The following ELAPOR2 variants were observed in gnomAD, a reference collection of about 807,000 sequenced individuals.
ELAPOR2 encodes endosome-lysosome associated apoptosis and autophagy regulator family member 2.
ELAPOR2 carries 89 observed loss-of-function variants against 120.7 expected under a neutral mutation model. That is an observed-to-expected ratio of 0.74 (90% CI 0.62 to 0.88). The LOEUF (loss-of-function observed/expected upper bound fraction) is 0.88, where lower values mean the gene tolerates loss of function less well. Among genes scored for constraint, ELAPOR2 ranks in the 40% least tolerant of loss-of-function variants. The pLI, the probability that ELAPOR2 is intolerant of heterozygous loss-of-function variation, is 0.00. For missense variants in ELAPOR2, 1,134 were observed against 1,251.6 expected (o/e 0.91, Z 1.42); for synonymous variants, 444 against 444.9 (o/e 1.00, Z 0.03).
chr7:86,992,101 TAAAC>T (rs1418392103), intron 1 of ELAPOR2, among the ~76,000 whole-genome samples: 1 of 152,218 alleles, frequency 6.6e-6, no homozygotes, highest in Admixed American at 6.5e-5. Flanking sequence ...GAAAGGGAAG[TAAAC>T]TGCTGCTACA....
At chr7:87,040,169 T>G (rs1255127124) in intron 1 of ELAPOR2, among the ~76,000 whole-genome samples, 1 of 152,198 alleles carries the variant, frequency 6.6e-6, no homozygotes, top group Non-Finnish European at 1.5e-5. Context: ...GAGATCAAAC[T>G]GCAAGGCGGC....
chr7:86,901,025 T>G (rs967494954), intron 18 of ELAPOR2, among the ~76,000 whole-genome samples: 5 of 152,220 alleles, frequency 3.3e-5, no homozygotes, highest in Non-Finnish European at 7.3e-5. Flanking sequence ...TCACAAATCA[T>G]GCTTCTTTTA....
intron 21 of ELAPOR2, among the ~76,000 whole-genome samples, chr7:86,883,023 G>GGTGTGT (rs55859925): frequency 0.045 from 6,387 of 141,456 alleles, 354 homozygotes; most frequent in African/African-American, 0.13. Context: ...GTTTGAAAGG[G>GGTGTGT]GTGTGTGTGT....
intron 8 of ELAPOR2, among the ~76,000 whole-genome samples, chr7:86,933,406 A>T (rs1790418025): frequency 6.6e-6 from 1 of 151,984 alleles, no homozygotes; most frequent in South Asian, 2.1e-4. Context: ...AAGAAACAGG[A>T]TGCCTGTGAT....
intron 1 of ELAPOR2, among the ~76,000 whole-genome samples, chr7:87,018,907 T>C (rs899763523): frequency 6.6e-6 from 1 of 152,182 alleles, no homozygotes; most frequent in Non-Finnish European, 1.5e-5. Context: ...CAGTATTCCA[T>C]GTTCAAACAA....
Position 86,877,949 on chromosome 7 carries a change from A to G in ELAPOR2, c.*2522T>C, listed in dbSNP as rs962098234. The G allele has an allele frequency of 1.3e-5, 2 of 152,218 alleles. No homozygotes were observed. The highest frequency in any genetic ancestry group is 2.9e-5 in the Non-Finnish European group (2 of 68,036). The allele number at this position is 152,218 out of a possible 1,614,324, so 9.4% of individuals were successfully genotyped here. On this transcript the variant is annotated 3_prime_UTR_variant, in exon 22 of 22. Coordinates refer to ENST00000450689, the MANE Select transcript of ELAPOR2 (RefSeq NM_001142749.3). ...AAAATGCTCAATGTTGTTAAATGAC[A>G]TAATATAATTTATCCACAGAAGACA... is the stretch of plus-strand genomic sequence containing the variant.
intron 1 of ELAPOR2, among the ~76,000 whole-genome samples, chr7:87,024,350 A>G (rs1794170561): frequency 6.6e-6 from 1 of 152,164 alleles, no homozygotes; most frequent in African/African-American, 2.4e-5. Flanking sequence ...GGTTCTGTTT[A>G]TATGCTGGAT....
At chr7:86,887,252 C>G (rs919583548) in intron 21 of ELAPOR2, among the ~76,000 whole-genome samples, 1 of 152,070 alleles carries the variant, frequency 6.6e-6, no homozygotes, top group East Asian at 1.9e-4. Context: ...ACAAGACAGA[C>G]TGTCACAAAT....
At chr7:87,009,591 T>C (rs1793590463) in intron 1 of ELAPOR2, among the ~76,000 whole-genome samples, 1 of 152,320 alleles carries the variant, frequency 6.6e-6, no homozygotes, top group South Asian at 2.1e-4. Context: ...AAATAATGGC[T>C]ATTTCAAAAA....
At chr7:86,881,869 T>C (rs1367022129) in intron 21 of ELAPOR2, among the ~76,000 whole-genome samples, 1 of 152,198 alleles carries the variant, frequency 6.6e-6, no homozygotes, top group African/African-American at 2.4e-5. Context: ...AATAGATGTA[T>C]GTCTAAAGTA....
intron 8 of ELAPOR2, among the ~76,000 whole-genome samples, chr7:86,937,533 C>T (rs1290742783): frequency 6.6e-6 from 1 of 152,094 alleles, no homozygotes; most frequent in Non-Finnish European, 1.5e-5. Context: ...CTCATGTGTG[C>T]ATTTTTCCTC....
chr7:86,986,163 C>T (rs1407773733), intron 1 of ELAPOR2, among the ~76,000 whole-genome samples: 1 of 125,420 alleles, frequency 8.0e-6, no homozygotes. Context: ...TAGAAAACCC[C>T]TCACGCCTGT....
At chr7:86,902,782 G>C (rs980133188) in intron 18 of ELAPOR2, among the ~76,000 whole-genome samples, 4 of 152,078 alleles carry the variant, frequency 2.6e-5, no homozygotes, top group African/African-American at 9.7e-5. Flanking sequence ...TCTGTGAGAT[G>C]GGGGCTTGCT....
intron 2 of ELAPOR2, among the ~76,000 whole-genome samples, chr7:86,948,339 C>G (rs1230590899): frequency 6.6e-6 from 1 of 152,202 alleles, no homozygotes; most frequent in Non-Finnish European, 1.5e-5. Context: ...CTACAGTGCA[C>G]TTGTTATAAT....
At chr7:86,907,582 G>A in intron 18 of ELAPOR2, 88 bp downstream of exon 18, 1 of 819,510 alleles carries the variant, frequency 1.2e-6, no homozygotes, top group South Asian at 1.7e-5. Flanking sequence ...TCTGCTTTAT[G>A]TTCATAGAGA....
rs1398756832 is a variant in ELAPOR2, at chr7:86,880,142, G to A, written c.*329C>T. The A allele has an allele frequency of 2.6e-5, 7 of 264,916 alleles. No homozygotes were observed. The highest frequency in any genetic ancestry group is 4.2e-5 in the Non-Finnish European group (6 of 141,914). The allele number at this position is 264,916 out of a possible 1,614,324, so 16.4% of individuals were successfully genotyped here. On this transcript the variant is annotated 3_prime_UTR_variant, in exon 22 of 22. Coordinates refer to ENST00000450689, the MANE Select transcript of ELAPOR2 (RefSeq NM_001142749.3). ...TATGTAGACATCATAAAGAATAAAA[G>A]TTACCCATTAATTATATGGCATGCA...
intron 1 of ELAPOR2, among the ~76,000 whole-genome samples, chr7:87,053,465 T>C (rs1251531518): frequency 6.6e-6 from 1 of 152,150 alleles, no homozygotes; most frequent in Non-Finnish European, 1.5e-5. Flanking sequence ...TCTGGGCATA[T>C]GAACTAGAAA....
intron 13 of ELAPOR2, among the ~76,000 whole-genome samples, chr7:86,914,220 T>C (rs757801949): frequency 1.3e-5 from 2 of 152,156 alleles, no homozygotes; most frequent in Non-Finnish European, 2.9e-5. Flanking sequence ...ATAGGTCTAT[T>C]CTGGCAGGGA....
At chr7:87,028,948 T>C (rs1418713624) in intron 1 of ELAPOR2, among the ~76,000 whole-genome samples, 1 of 152,218 alleles carries the variant, frequency 6.6e-6, no homozygotes, top group Non-Finnish European at 1.5e-5. Context: ...TTTTTGCATT[T>C]GCATTTGTTA....
Sources: gnomAD v4.1 joint callset for allele counts (sites outside exome capture counted in the v4.1 genomes callset) on GRCh38, gnomAD v4.1.1 for gene constraint, MANE v1.5 for transcripts, NCBI Gene and HGNC (gene_info 2026-07-23, HGNC 2026-07-21) for gene names.